Variants in WFDC1 observed in about 807,000 individuals in gnomAD.
WFDC1 encodes WAP four-disulfide core domain protein 1.
In WFDC1, 39 loss-of-function variants were observed where a neutral mutation model predicts 32.9. The observed-to-expected ratio is 1.19, with a 90% CI of 0.92 to 1.55. WFDC1 has a LOEUF of 1.55. Ranked by LOEUF, WFDC1 falls within the 40% of genes most tolerant of loss-of-function variation. The probability of loss-of-function intolerance (pLI) is 0.00; values close to 1 mark genes in which losing one functional copy is unlikely to be tolerated. For synonymous variants in WFDC1, 184 were observed against 137.4 expected, an observed-to-expected ratio of 1.34 and a Z score of -2.37; for missense variants, 386 against 309.5, an observed-to-expected ratio of 1.25 and a Z score of -1.85.
chr16:84,294,890 C>T lies in WFDC1; in HGVS notation c.-82C>T. 6.4e-7 allele frequency: 1 copy of T among 1,554,956 alleles called. No homozygotes were observed. Among genetic ancestry groups the T allele is most frequent in the Non-Finnish European group, 8.7e-7 (1 of 1,151,380 alleles). On this transcript the variant is annotated 5_prime_UTR_variant, in exon 1 of 7. Coordinates refer to ENST00000219454, the MANE Select transcript of WFDC1 (RefSeq NM_021197.4). ...AAGAAAGTCCAGCAGACTGTGCACG[C>T]TCCTGTCCCCACTCACAGGCCCACG...
chr16:84,301,066 A>G (rs1370337845), intron 1 of WFDC1, among the ~76,000 whole-genome samples: 2 of 152,084 alleles, frequency 1.3e-5, no homozygotes, highest in African/African-American at 4.8e-5. Context: ...GGTCAGAGTG[A>G]TGTATCTACA....
intron 4 of WFDC1, among the ~76,000 whole-genome samples, chr16:84,323,377 TGAGA>T (rs1260636151): frequency 6.6e-6 from 1 of 152,204 alleles, no homozygotes; most frequent in Non-Finnish European, 1.5e-5. Context: ...GAGCTAAATT[TGAGA>T]GAGATTGCCA....
At chr16:84,304,112 A>T (rs564507175) in intron 1 of WFDC1, among the ~76,000 whole-genome samples, 1 of 152,142 alleles carries the variant, frequency 6.6e-6, no homozygotes, top group Non-Finnish European at 1.5e-5. Flanking sequence ...CTTTAATTGA[A>T]TCTGGACTTG....
At chr16:84,311,695 CTTTTTT>C (rs67144104) in intron 1 of WFDC1, among the ~76,000 whole-genome samples, 3 of 73,446 alleles carry the variant, frequency 4.1e-5, no homozygotes, top group African/African-American at 5.8e-5. Flanking sequence ...TGCCTGACTG[CTTTTTT>C]TTTTTTTTTT....
chr16:84,323,988 C>T (rs541531240), intron 4 of WFDC1, among the ~76,000 whole-genome samples: 3 of 152,260 alleles, frequency 2.0e-5, no homozygotes, highest in Non-Finnish European at 2.9e-5. Flanking sequence ...GGTGTGGTGG[C>T]GCATGCCTGT....
intron 1 of WFDC1, among the ~76,000 whole-genome samples, chr16:84,303,776 G>C (rs1417319490): frequency 3.3e-5 from 5 of 152,102 alleles, no homozygotes; most frequent in African/African-American, 1.2e-4. Flanking sequence ...GTTTTGGAAC[G>C]TTCCCATCAA....
intron 3 of WFDC1, 192 bp from the exon 4 acceptor site, chr16:84,319,239 T>A: frequency 1.6e-6 from 1 of 632,366 alleles, no homozygotes; most frequent in Non-Finnish European, 2.7e-6. Flanking sequence ...TGTTTGTGGG[T>A]GTGCACGTGT....
chr16:84,302,778 G>A (rs1907020096), intron 1 of WFDC1, among the ~76,000 whole-genome samples: 1 of 152,194 alleles, frequency 6.6e-6, no homozygotes, highest in Non-Finnish European at 1.5e-5. Flanking sequence ...AAACAGCCAC[G>A]TGAAGTCAGG....
intron 6 of WFDC1, chr16:84,328,307 T>C (rs1286340359): frequency 6.6e-6 from 1 of 152,172 alleles, no homozygotes; most frequent in South Asian, 2.1e-4. Flanking sequence ...AGGTGAGGCG[T>C]AGGTGCATGC....
intron 2 of WFDC1, chr16:84,316,644 A>C (rs1028573672): frequency 6.6e-6 from 1 of 151,994 alleles, no homozygotes; most frequent in African/African-American, 2.4e-5. Flanking sequence ...TTTTAAAATT[A>C]CTTGTCAACA....
chr16:84,304,517 C>T (rs374250245), intron 1 of WFDC1, among the ~76,000 whole-genome samples: 12 of 152,004 alleles, frequency 7.9e-5, no homozygotes, highest in Non-Finnish European at 1.2e-4. Flanking sequence ...TGTGAGCCAC[C>T]GCGCCCGGCC....
intron 1 of WFDC1, among the ~76,000 whole-genome samples, chr16:84,308,022 C>G (rs1349637634): frequency 2.0e-5 from 3 of 152,210 alleles, no homozygotes; most frequent in Non-Finnish European, 4.4e-5. Context: ...CCATATCCAC[C>G]AAATGCCAGC....
chr16:84,298,184 T>C (rs1021208716), intron 1 of WFDC1, among the ~76,000 whole-genome samples: 8 of 152,042 alleles, frequency 5.3e-5, no homozygotes, highest in Non-Finnish European at 1.5e-5. Flanking sequence ...CTTGGTTCAC[T>C]ACAACCTCCA....
At position 84,319,438 on chromosome 16, in the gene WFDC1, G is replaced by A. The variant is rs111805786; in HGVS notation, c.429G>A (p.Ala143=). ...DGPEEVLQAE[A]CSTTEDGAEP... ...CGTGTGTCCCTCCTGCAGCAGAGGC[G>A]TGCAGCACCACGGAGGATGGGGCCG... Residue 143 remains alanine (A), a synonymous_variant, in exon 4 of 7, where the codon GCG becomes GCA. Coordinates refer to ENST00000219454, the MANE Select transcript of WFDC1 (RefSeq NM_021197.4). 67 of 1,610,218 alleles carry A rather than the reference G, an allele frequency of 4.2e-5. No homozygotes were observed. Among genetic ancestry groups the A allele is most frequent in the African/African-American group, 3.6e-4 (27 of 74,984 alleles).
chr16:84,322,770 T>A (rs1908383667), intron 4 of WFDC1, among the ~76,000 whole-genome samples: 1 of 152,232 alleles, frequency 6.6e-6, no homozygotes, highest in South Asian at 2.1e-4. Context: ...ATAGTAAATC[T>A]GGTTTTTCAG....
At chr16:84,308,370 C>T (rs1907395116) in intron 1 of WFDC1, among the ~76,000 whole-genome samples, 1 of 152,208 alleles carries the variant, frequency 6.6e-6, no homozygotes, top group African/African-American at 2.4e-5. Context: ...GATAGGCACG[C>T]AGGAAGGACT....
chr16:84,295,395 C>T (rs1269620162), intron 1 of WFDC1: 1 of 498,154 alleles, frequency 2.0e-6, no homozygotes, highest in South Asian at 3.9e-5. Context: ...ATGCTTGCTC[C>T]TGAAAGACAG....
At chr16:84,323,540 G>A (rs1908423569) in intron 4 of WFDC1, among the ~76,000 whole-genome samples, 1 of 152,194 alleles carries the variant, frequency 6.6e-6, no homozygotes, top group South Asian at 2.1e-4. Flanking sequence ...TTTTCATACG[G>A]CTCATCCTAA....
At chr16:84,302,147 T>C (rs937674417) in intron 1 of WFDC1, among the ~76,000 whole-genome samples, 1 of 151,794 alleles carries the variant, frequency 6.6e-6, no homozygotes, top group African/African-American at 2.4e-5. Flanking sequence ...GGATGCAACG[T>C]CCAGAAGAGG....
Sources: gnomAD v4.1 joint callset for allele counts (sites outside exome capture counted in the v4.1 genomes callset) on GRCh38, gnomAD v4.1.1 for gene constraint, MANE v1.5 for transcripts, NCBI Gene and HGNC (gene_info 2026-07-23, HGNC 2026-07-21) for gene names.